The following DDHD1 variants were observed in gnomAD, a reference collection of about 807,000 sequenced individuals.
DDHD1 encodes the protein phospholipase DDHD1.
DDHD1 carries 49 observed loss-of-function variants against 96.4 expected under a neutral mutation model. That is an observed-to-expected ratio of 0.51 (90% CI 0.40 to 0.64). DDHD1 has a LOEUF of 0.64. Among genes scored for constraint, DDHD1 ranks in the 30% least tolerant of loss-of-function variants. DDHD1 has a pLI of 0.00. For missense variants in DDHD1, 1,106 were observed against 1,161.2 expected (o/e 0.95, Z 0.69); for synonymous variants, 442 against 446.5 (o/e 0.99, Z 0.13).
chr14:53,075,458 G>C (rs570058605), intron 4 of DDHD1, among the ~76,000 whole-genome samples: 1 of 152,268 alleles, frequency 6.6e-6, no homozygotes, highest in East Asian at 1.9e-4. Flanking sequence ...AAAAGACTGA[G>C]AGGGGCAAAG....
intron 1 of DDHD1, among the ~76,000 whole-genome samples, chr14:53,142,460 CAAAA>C (rs745636721): frequency 1.4e-5 from 1 of 72,062 alleles, no homozygotes. Flanking sequence ...GCCGGCATGG[CAAAA>C]AAAAAAAAAA....
At chr14:53,146,931 G>GTTT (rs1157662966) in intron 1 of DDHD1, among the ~76,000 whole-genome samples, 4 of 144,938 alleles carry the variant, frequency 2.8e-5, no homozygotes, top group East Asian at 2.0e-4. Context: ...AATGCTGACA[G>GTTT]TTTTTTTTTT....
At chr14:53,079,841 C>T (rs747604697) in intron 4 of DDHD1, among the ~76,000 whole-genome samples, 6 of 152,110 alleles carry the variant, frequency 3.9e-5, no homozygotes, top group Non-Finnish European at 7.4e-5. Context: ...AATCAAAAGC[C>T]TTGTGCATGC....
chr14:53,123,253 T>C (rs982345184), intron 1 of DDHD1, among the ~76,000 whole-genome samples: 16 of 151,502 alleles, frequency 1.1e-4, no homozygotes, highest in Non-Finnish European at 1.8e-4. Flanking sequence ...TTCTAGTGAT[T>C]CTCCTGCCTC....
At chr14:53,129,746 T>C (rs1433094335) in intron 1 of DDHD1, among the ~76,000 whole-genome samples, 2 of 152,196 alleles carry the variant, frequency 1.3e-5, no homozygotes, top group African/African-American at 4.8e-5. Flanking sequence ...TTAAAACCTC[T>C]TCAATTCTTG....
At chr14:53,102,521 C>T (rs1489649303) in intron 2 of DDHD1, among the ~76,000 whole-genome samples, 2 of 151,924 alleles carry the variant, frequency 1.3e-5, no homozygotes, top group African/African-American at 2.4e-5. Context: ...GCTTTAATTG[C>T]TAATTTATTC....
intron 2 of DDHD1, among the ~76,000 whole-genome samples, chr14:53,095,717 C>A (rs546683865): frequency 5.7e-4 from 87 of 152,258 alleles, no homozygotes; most frequent in African/African-American, 2.0e-3. Context: ...TTAACAATCA[C>A]TTTTCTAATT....
chr14:53,120,972 C>T (rs537952086), intron 1 of DDHD1, among the ~76,000 whole-genome samples: 11 of 152,214 alleles, frequency 7.2e-5, no homozygotes, highest in Admixed American at 2.0e-4. Flanking sequence ...AGCTTCTGCA[C>T]AGCAAAATAA....
chr14:53,113,780 T>C (rs553000248), intron 1 of DDHD1, among the ~76,000 whole-genome samples: 104 of 152,312 alleles, frequency 6.8e-4, no homozygotes, highest in Admixed American at 2.0e-3. Flanking sequence ...GACCCTGGGC[T>C]TCAAGCACAT....
chr14:53,129,966 C>T (rs1359747824), intron 1 of DDHD1, among the ~76,000 whole-genome samples: 1 of 152,220 alleles, frequency 6.6e-6, no homozygotes, highest in South Asian at 2.1e-4. Context: ...TCCCTAGTCT[C>T]TGCTCGCAAT....
At chr14:53,048,954 T>C (rs117203294) in intron 12 of DDHD1, 2 of 152,204 alleles carry the variant, frequency 1.3e-5, no homozygotes, top group African/African-American at 4.8e-5. Flanking sequence ...CACTTTCAAA[T>C]GCCACTTCAT....
intron 6 of DDHD1, among the ~76,000 whole-genome samples, chr14:53,071,583 C>A (rs1053749952): frequency 6.6e-6 from 1 of 152,052 alleles, no homozygotes; most frequent in Admixed American, 6.6e-5. Flanking sequence ...CTTTAACCAG[C>A]TGATTCAGTA....
intron 4 of DDHD1, among the ~76,000 whole-genome samples, chr14:53,090,586 T>A (rs928928796): frequency 6.6e-6 from 1 of 152,120 alleles, no homozygotes; most frequent in Non-Finnish European, 1.5e-5. Flanking sequence ...GACATGGATG[T>A]CGCTGGAAAC....
intron 5 of DDHD1, 130 bp from the exon 6 acceptor site, chr14:53,072,833 T>G (rs753364222): frequency 7.7e-5 from 38 of 495,340 alleles, no homozygotes; most frequent in Admixed American, 4.1e-4. Flanking sequence ...CAAGACCAGC[T>G]TTGGCTCTAA....
chr14:53,131,069 TC>T (rs1889830074), intron 1 of DDHD1, among the ~76,000 whole-genome samples: 1 of 152,110 alleles, frequency 6.6e-6, no homozygotes. Flanking sequence ...CTCTTAAAAC[TC>T]CCCAACTCTG....
At chr14:53,054,379 C>T in intron 11 of DDHD1, 59 bp downstream of exon 11, 2 of 1,514,572 alleles carry the variant, frequency 1.3e-6, no homozygotes, top group Non-Finnish European at 1.8e-6. Flanking sequence ...TACCTCCCTG[C>T]CCTCCCCAAG....
intron 1 of DDHD1, 147 bp downstream of exon 1, chr14:53,152,114 C>CGA: frequency 3.8e-6 from 3 of 787,156 alleles, no homozygotes; most frequent in East Asian, 3.1e-5. Context: ...GCTGCCGACG[C>CGA]TCCCTGCTCA....
chr14:53,100,249 G>A (rs1595174478), intron 2 of DDHD1, among the ~76,000 whole-genome samples: 1 of 152,014 alleles, frequency 6.6e-6, no homozygotes, highest in East Asian at 1.9e-4. Flanking sequence ...GCTGAAGCAG[G>A]AGGAACACTT....
At chr14:53,106,018 G>A (rs1273488971) in intron 1 of DDHD1, among the ~76,000 whole-genome samples, 8 of 151,542 alleles carry the variant, frequency 5.3e-5, no homozygotes, top group South Asian at 2.1e-4. Flanking sequence ...AACCCAAATC[G>A]ACTTTTTGCC....
Sources: gnomAD v4.1 joint callset for allele counts (sites outside exome capture counted in the v4.1 genomes callset) on GRCh38, gnomAD v4.1.1 for gene constraint, MANE v1.5 for transcripts, NCBI Gene and HGNC (gene_info 2026-07-23, HGNC 2026-07-21) for gene names.